Variants in SNAPC2 observed in about 807,000 individuals in gnomAD.
SNAPC2 encodes the protein snRNA-activating protein complex subunit 2.
In SNAPC2, 27 loss-of-function variants were observed where a neutral mutation model predicts 22.9. The observed-to-expected ratio is 1.18, with a 90% CI of 0.87 to 1.63. SNAPC2 has a LOEUF of 1.63. SNAPC2 is among the 40% of genes most tolerant of loss of function. The probability of loss-of-function intolerance (pLI) is 0.00; values close to 1 mark genes in which losing one functional copy is unlikely to be tolerated. For missense variants in SNAPC2, 570 were observed against 449.1 expected (o/e 1.27, Z -2.43); for synonymous variants, 272 against 201.0 (o/e 1.35, Z -2.99).
chr19:7,922,862 A>C lies in SNAPC2; in HGVS notation c.*98A>C. On this transcript the variant is annotated 3_prime_UTR_variant, in exon 5 of 5. Coordinates refer to ENST00000221573, the MANE Select transcript of SNAPC2 (RefSeq NM_003083.4). ...CTTTCTGAGGATCCCGTCATGGGGGAAGGTCCTTGAGATGATGCTCAGCTG... is the reference window on the plus strand; with the variant it reads ...CTTTCTGAGGATCCCGTCATGGGGGCAGGTCCTTGAGATGATGCTCAGCTG... 1 of 978,096 alleles carries C rather than the reference A, an allele frequency of 1.0e-6. No homozygotes were observed. Among genetic ancestry groups the C allele is most frequent in the Non-Finnish European group, 1.5e-6 (1 of 661,164 alleles). The allele number at this position is 978,096 out of a possible 1,614,324, so 60.6% of individuals were successfully genotyped here.
intron 3 of SNAPC2, 57 bp from the exon 4 acceptor site, chr19:7,921,978 G>A (rs1983590491): frequency 1.3e-6 from 2 of 1,546,754 alleles, no homozygotes; most frequent in Admixed American, 3.6e-5. Flanking sequence ...GGGGGAATGT[G>A]TAGACGGTGA....
rs768823097 is a variant in SNAPC2 at position 7,922,192 on chromosome 19, C to T, written c.530C>T (p.Ser177Phe). The T allele has an allele frequency of 3.7e-6, 6 of 1,614,064 alleles. No homozygotes were observed. Among genetic ancestry groups the T allele is most frequent in the Non-Finnish European group, 4.2e-6 (5 of 1,180,040 alleles). Residue 177 changes from serine to phenylalanine, a missense_variant, in exon 4 of 5, where the codon TCC becomes TTC. Coordinates refer to ENST00000221573, the MANE Select transcript of SNAPC2 (RefSeq NM_003083.4). Reference protein sequence around the residue: ...IPSSAPAAPSSAPRTPDPAPE... With the variant: ...IPSSAPAAPSFAPRTPDPAPE... Reference sequence around the variant, plus strand: ...AGCTCTGCCCCTGCTGCACCTAGCTCCGCACCCAGGACTCCTGACCCTGCC... The same window carrying T: ...AGCTCTGCCCCTGCTGCACCTAGCTTCGCACCCAGGACTCCTGACCCTGCC...
intron 4 of SNAPC2, 49 bp downstream of exon 4, chr19:7,922,396 G>A: frequency 1.3e-6 from 2 of 1,590,410 alleles, no homozygotes; most frequent in Non-Finnish European, 1.7e-6. Flanking sequence ...AAGGGTCCCT[G>A]GCAGCAGGCA....
At chr19:7,921,606 G>T in intron 2 of SNAPC2, 64 bp downstream of exon 2, 2 of 1,602,174 alleles carry the variant, frequency 1.2e-6, no homozygotes, top group Non-Finnish European at 1.7e-6. Flanking sequence ...TGGGAGTTGC[G>T]GGGGATAACC....
chr19:7,921,076 G>C (rs546758836), intron 1 of SNAPC2: 2 of 1,186,472 alleles, frequency 1.7e-6, no homozygotes, highest in Non-Finnish European at 2.1e-6. Context: ...TGCCGAGTCC[G>C]GGCGAAAAGC....
intron 1 of SNAPC2, 60 bp from the exon 2 acceptor site, chr19:7,921,363 C>T (rs566220015): frequency 3.0e-5 from 48 of 1,611,938 alleles, no homozygotes; most frequent in Non-Finnish European, 4.1e-5. Flanking sequence ...TGGGCTTTGG[C>T]TTCTCTGCTG....
At chr19:7,921,971 G>A in intron 3 of SNAPC2, 64 bp from the exon 4 acceptor site, 1 of 1,524,542 alleles carries the variant, frequency 6.6e-7, no homozygotes, top group Non-Finnish European at 8.9e-7. Flanking sequence ...GGAGGATGGG[G>A]GAATGTGTAG....
chr19:7,922,640 C>CT lies in SNAPC2; in HGVS notation c.881_882insT (p.Ala295SerfsTer68). The CT allele has an allele frequency of 1.2e-6, 2 of 1,613,632 alleles. No individual in the cohort carries two copies. Among genetic ancestry groups the CT allele is most frequent in the Non-Finnish European group, 1.7e-6 (2 of 1,179,912 alleles). ...TCCAAGGCACCAGAGGAGACCCCCC[C>CT]AGCCACCGAGAAGGCCGAGCACAGC... On this transcript the variant is annotated frameshift_variant, in exon 5 of 5. Transcript: ENST00000221573. LOFTEE classifies it low-confidence loss of function (END_TRUNC).
chr19:7,922,686 A>G lies in SNAPC2; in HGVS notation c.927A>G (p.Gln309=). Residue 309 remains glutamine, a synonymous_variant, in exon 5 of 5, where the codon CAA becomes CAG. Coordinates refer to ENST00000221573, the MANE Select transcript of SNAPC2 (RefSeq NM_003083.4). The part of the protein sequence containing the change: ...AEHSELKSPW[Q]AAGICPLNPF... ...ACAGCGAACTGAAATCGCCTTGGCA[A>G]GCAGCTGGGATCTGTCCCCTGAACC... is the stretch of plus-strand genomic sequence containing the variant. 6.2e-7 allele frequency: 1 copy of G among 1,612,926 alleles called. No homozygotes were observed.
chr19:7,921,400 T>G, intron 1 of SNAPC2, 23 bp from the exon 2 acceptor site: 1 of 1,613,726 alleles, frequency 6.2e-7, no homozygotes, highest in South Asian at 1.1e-5. Flanking sequence ...GAAGCCTCAT[T>G]CCGCCGCCTC....
At position 7,920,948 on chromosome 19, in the gene SNAPC2, T is replaced by C. The variant is rs537332865; in HGVS notation, c.183+399T>C. On this transcript the variant is annotated intron_variant, in intron 1 of 4. Coordinates refer to ENST00000221573, the MANE Select transcript of SNAPC2 (RefSeq NM_003083.4). ...CTTAAGGGCGGGGCCGTTTTGGGAG[T>C]AAGGCGTGGGAGGGGCGTGGGCGGG... 4.3e-5 allele frequency: 42 copies of C among 984,668 alleles called. No individual in the cohort carries two copies. The African/African-American group carries it at 1.0e-3, about 24-fold the overall frequency. 61.0% of individuals were successfully genotyped at this position (984,668 alleles called of 1,614,324 possible).
rs1158331305 is a variant in SNAPC2, at chr19:7,922,758, C to T, written c.999C>T (p.Ala333=). 5 of 1,583,918 alleles carry T rather than the reference C, an allele frequency of 3.2e-6. No homozygotes were observed. In the African/African-American group the frequency reaches 6.7e-5, roughly 21 times the overall value. ...TTCTGGGTCGGGCAGCCACCCCTGC[C>T]AGGTGAGGGGCATGGCGGGCAGGAG... ...LELLGRAATP[A]R Residue 333 remains alanine, a synonymous_variant, in exon 5 of 5, where the codon GCC becomes GCT. Coordinates refer to ENST00000221573, the MANE Select transcript of SNAPC2 (RefSeq NM_003083.4).
At chr19:7,921,626 G>A in intron 2 of SNAPC2, 79 bp from the exon 3 acceptor site, 1 of 1,601,898 alleles carries the variant, frequency 6.2e-7, no homozygotes, top group Admixed American at 1.7e-5. Context: ...CTGATTAGGG[G>A]ATCCCCAGGA....
Position 7,921,537 on chromosome 19 carries a change from A to G in SNAPC2, c.298A>G (p.Ile100Val), listed in dbSNP as rs767945292. 1.6e-5 allele frequency: 26 copies of G among 1,612,256 alleles called. No individual in the cohort carries two copies. In the Admixed American group the frequency reaches 3.7e-4, roughly 23 times the overall value. The change falls in exon 2 of 5, where the codon ATA becomes GTA. Residue 100 changes from isoleucine to valine, a missense_variant. Ile to Val is a conservative substitution (Grantham distance 29). Transcript: ENST00000221573. ...RRREAQPPAP[I>V]EVWTDLAEKI... ...CCGGGAGGCACAGCCCCCAGCCCCC[A>G]TAGAGGTGAGGCAGATGAACAGGGT...
Position 7,923,024 on chromosome 19 carries a change from C to A in SNAPC2, c.*260C>A, listed in dbSNP as rs538945090. 2.2e-6 allele frequency: 1 copy of A among 445,230 alleles called. No homozygotes were observed. Among genetic ancestry groups the A allele is most frequent in the Admixed American group, 4.1e-5 (1 of 24,364 alleles). The allele number at this position is 445,230 out of a possible 1,614,324, so 27.6% of individuals were successfully genotyped here. On this transcript the variant is annotated 3_prime_UTR_variant, in exon 5 of 5. Transcript: ENST00000221573. Reference sequence around the variant, plus strand: ...AAGGACAGGCGGACAGGGCTGGCCTCCCCCAGTCCCCAAGCCCCACTGTGC... The same window carrying A: ...AAGGACAGGCGGACAGGGCTGGCCTACCCCAGTCCCCAAGCCCCACTGTGC...
chr19:7,920,585 A>T, intron 1 of SNAPC2, 36 bp downstream of exon 1: 2 of 383,216 alleles, frequency 5.2e-6, no homozygotes, highest in Non-Finnish European at 6.6e-6. Context: ...GCCAGGCTGG[A>T]GGCGGGGCTG....
Position 7,920,381 on chromosome 19 carries a change from C to G in SNAPC2, c.15C>G (p.Pro5=). The change falls in exon 1 of 5, where the codon CCC becomes CCG. Residue 5 remains proline, a synonymous_variant. Coordinates refer to ENST00000221573, the MANE Select transcript of SNAPC2 (RefSeq NM_003083.4). ...TTCTGAGCGGCATGAAGCCACCTCC[C>G]AGGCGGCGAGCGGCCCCGGCGCGCT... MKPP[P]RRRAAPARYL... The G allele has an allele frequency of 1.3e-6, 2 of 1,579,570 alleles. No homozygotes were observed. Among genetic ancestry groups the G allele is most frequent in the Non-Finnish European group, 1.7e-6 (2 of 1,170,736 alleles).
In SNAPC2 at chr19:7,920,392, C is replaced by G; in HGVS notation, c.26C>G (p.Ala9Gly). The change falls in exon 1 of 5, where the codon GCG becomes GGG. Residue 9 changes from alanine (A) to glycine (G), a missense_variant. Ala to Gly is a moderately conservative substitution (Grantham distance 60). Coordinates refer to ENST00000221573, the MANE Select transcript of SNAPC2 (RefSeq NM_003083.4). Reference protein sequence around the residue: MKPPPRRRAAPARYLGEVT... With the variant: MKPPPRRRGAPARYLGEVT... The stretch of plus-strand genomic sequence containing the variant: ...ATGAAGCCACCTCCCAGGCGGCGAG[C>G]GGCCCCGGCGCGCTATCTGGGCGAG... The G allele has an allele frequency of 1.3e-6, 2 of 1,578,892 alleles. No homozygotes were observed. Among genetic ancestry groups the G allele is most frequent in the Non-Finnish European group, 1.7e-6 (2 of 1,170,472 alleles).
Position 7,922,819 on chromosome 19 carries a change from G to A in SNAPC2, c.*55G>A. On this transcript the variant is annotated 3_prime_UTR_variant, in exon 5 of 5. Transcript: ENST00000221573. ...GCCCCCCGCCCTGCCCCTCGGTTCT[G>A]CTCGGCTGGCCCTGGCTCTTTCTGA... is the stretch of plus-strand genomic sequence containing the variant. 7.3e-7 allele frequency: 1 copy of A among 1,375,392 alleles called. No homozygotes were observed. The highest frequency in any genetic ancestry group is 1.4e-5 in the South Asian group (1 of 72,466). The allele number at this position is 1,375,392 out of a possible 1,614,324, so 85.2% of individuals were successfully genotyped here.
Sources: allele counts gnomAD v4.1 joint callset, GRCh38; gene constraint gnomAD v4.1.1; transcripts MANE v1.5; gene names NCBI Gene and HGNC (gene_info 2026-07-23, HGNC 2026-07-21).